The following HSF2 variants were observed in gnomAD, a reference collection of about 807,000 sequenced individuals.
HSF2 encodes heat shock factor protein 2.
A neutral mutation model predicts 65.0 loss-of-function variants in HSF2; 21 were observed. The ratio of observed to expected loss-of-function variants is 0.32; its 90% CI spans 0.23 to 0.47. HSF2 has a LOEUF of 0.47. HSF2 is among the 20% of genes least tolerant of loss of function. The pLI, the probability that HSF2 is intolerant of heterozygous loss-of-function variation, is 1.00. For synonymous variants in HSF2, 225 were observed against 219.1 expected (o/e 1.03, Z -0.24); for missense variants, 499 against 628.1 (o/e 0.79, Z 2.20).
chr6:122,413,482 G>A, intron 3 of HSF2, 43 bp from the exon 4 acceptor site: 2 of 1,427,674 alleles, frequency 1.4e-6, no homozygotes, highest in South Asian at 2.4e-5. Context: ...ACAATCATGG[G>A]TGTTTACTGT....
chr6:122,426,387 A>T (rs1774339471), intron 10 of HSF2, among the ~76,000 whole-genome samples: 1 of 152,036 alleles, frequency 6.6e-6, no homozygotes, highest in African/African-American at 2.4e-5. Flanking sequence ...GTCTCCTAGG[A>T]ATACATGTAG....
chr6:122,403,806 C>T (rs575003545), intron 1 of HSF2, among the ~76,000 whole-genome samples: 19 of 152,124 alleles, frequency 1.2e-4, no homozygotes, highest in African/African-American at 4.3e-4. Flanking sequence ...TGTCAGACGA[C>T]CTAAAACTGT....
intron 1 of HSF2, among the ~76,000 whole-genome samples, chr6:122,402,695 G>A (rs556707013): frequency 1.6e-3 from 241 of 152,100 alleles, no homozygotes; most frequent in African/African-American, 4.9e-3. Flanking sequence ...TGTGATTACA[G>A]ATGCGCACCA....
At chr6:122,401,309 C>T (rs904286015) in intron 1 of HSF2, among the ~76,000 whole-genome samples, 8 of 152,150 alleles carry the variant, frequency 5.3e-5, no homozygotes, top group African/African-American at 1.7e-4. Context: ...TAAAAGTTGA[C>T]AAGAAGGATC....
rs573660821 is a variant in HSF2 at position 122,406,979 on chromosome 6, C to T, written c.94-5394C>T. On this transcript the variant is annotated intron_variant, in intron 1 of 12. Coordinates refer to ENST00000368455, the MANE Select transcript of HSF2 (RefSeq NM_004506.4). ...TAGGTGGTTGAGTATAAGACTTTGG[C>T]ATTCAGGGTGGAGTTTAGACCTTGT... Among the ~76,000 whole-genome samples the T allele has an allele frequency of 2.6e-5, 4 of 152,186 alleles. No homozygotes were observed. In the East Asian group the frequency reaches 5.8e-4, roughly 22 times the overall value.
chr6:122,422,954 G>T lies in HSF2; in HGVS notation c.1067G>T (p.Gly356Val). 1.2e-6 allele frequency: 2 copies of T among 1,613,362 alleles called. No individual in the cohort carries two copies. The highest frequency in any genetic ancestry group is 1.7e-6 in the Non-Finnish European group (2 of 1,179,510). The stretch of plus-strand genomic sequence containing the variant: ...TTGAATGATAACATCAATCTTTTGG[G>T]AAAGTGAGTGCTTATCTAGATGTTG... ...SILNDNINLL[G>V]KVELLDYLDS... The change falls in exon 9 of 13, where the codon GGA becomes GTA. Residue 356 changes from glycine to valine, a missense_variant. Physicochemically the swap from Gly to Val is moderately radical, Grantham distance 109 (BLOSUM62 -3). Around this residue, in one of 2 missense-constraint regions of HSF2, gnomAD observed 349 missense variants for 393.5 expected, o/e 0.89. Transcript: ENST00000368455.
intron 1 of HSF2, among the ~76,000 whole-genome samples, chr6:122,412,066 A>G (rs1370960855): frequency 6.6e-6 from 1 of 151,842 alleles, no homozygotes; most frequent in Non-Finnish European, 1.5e-5. Context: ...TGCTGTCTAC[A>G]TAATTGTATT....
Position 122,428,383 on chromosome 6 carries a change from T to C in HSF2, c.1230+427T>C, listed in dbSNP as rs372814452. Among the ~76,000 whole-genome samples, 7 of 151,994 alleles carry C rather than the reference T, an allele frequency of 4.6e-5. No homozygotes were observed. The South Asian group carries it at 8.3e-4, about 18-fold the overall frequency. ...TAAAGTAAAAATTCAGGAATTCTTA[T>C]TTATTGCAGAAAAGGGAAGTTGAAA... On this transcript the variant is annotated intron_variant, in intron 11 of 12. Transcript: ENST00000368455.
intron 7 of HSF2, among the ~76,000 whole-genome samples, chr6:122,420,932 G>A (rs1211919227): frequency 4.6e-5 from 7 of 150,988 alleles, no homozygotes; most frequent in South Asian, 4.2e-4. Context: ...TGCTGGTCTC[G>A]AACTCCCAGA....
intron 10 of HSF2, among the ~76,000 whole-genome samples, chr6:122,425,060 C>T (rs1774310443): frequency 6.6e-6 from 1 of 151,944 alleles, no homozygotes; most frequent in Non-Finnish European, 1.5e-5. Flanking sequence ...GTACCCCTAT[C>T]CTTTGCCTCT....
chr6:122,402,702 A>G (rs887701508), intron 1 of HSF2, among the ~76,000 whole-genome samples: 17 of 151,952 alleles, frequency 1.1e-4, no homozygotes, highest in Non-Finnish European at 1.5e-5. Flanking sequence ...ACAGATGCGC[A>G]CCACCATGCC....
At chr6:122,427,830 G>A (rs1774370957) in intron 10 of HSF2, 73 bp from the exon 11 acceptor site, 3 of 1,049,896 alleles carry the variant, frequency 2.9e-6, no homozygotes, top group Admixed American at 2.0e-5. Context: ...CAACATGGCT[G>A]TATAAAATTT....
chr6:122,408,798 G>A (rs1773922308), intron 1 of HSF2, among the ~76,000 whole-genome samples: 1 of 149,130 alleles, frequency 6.7e-6, no homozygotes, highest in Non-Finnish European at 1.5e-5. Context: ...TAAAGGGAAT[G>A]TTTTAATGTT....
chr6:122,413,690 G>A, intron 4 of HSF2, 41 bp downstream of exon 4: 1 of 1,526,144 alleles, frequency 6.6e-7, no homozygotes, highest in Admixed American at 1.7e-5. Flanking sequence ...TCTGGGAATT[G>A]GGTATGTGTC....
At chr6:122,400,118 C>T (rs1562195385) in intron 1 of HSF2, among the ~76,000 whole-genome samples, 2 of 152,176 alleles carry the variant, frequency 1.3e-5, no homozygotes, top group Non-Finnish European at 2.9e-5. Context: ...CGTTCGGAAC[C>T]GGCCCGGCGT....
intron 1 of HSF2, among the ~76,000 whole-genome samples, chr6:122,401,451 G>A (rs973914117): frequency 1.3e-5 from 2 of 152,148 alleles, no homozygotes; most frequent in African/African-American, 2.4e-5. Context: ...ATTGGCAGTT[G>A]CTTTTAATCA....
intron 5 of HSF2, among the ~76,000 whole-genome samples, chr6:122,416,643 T>C (rs1010055861): frequency 5.9e-5 from 9 of 152,084 alleles, no homozygotes; most frequent in Admixed American, 2.6e-4. Flanking sequence ...GCCTTACTGG[T>C]TTTTTTTGTT....
At chr6:122,405,099 A>G (rs1773838444) in intron 1 of HSF2, among the ~76,000 whole-genome samples, 1 of 152,088 alleles carries the variant, frequency 6.6e-6, no homozygotes, top group Admixed American at 6.6e-5. Flanking sequence ...TATGGAGCTT[A>G]CATTGAGTGG....
rs754784889 is a variant in HSF2, at chr6:122,431,510, A to G, written c.1311A>G (p.Lys437=). The G allele has an allele frequency of 1.3e-6, 2 of 1,552,876 alleles. No individual in the cohort carries two copies. Among genetic ancestry groups the G allele is most frequent in the South Asian group, 2.3e-5 (2 of 87,960 alleles). The part of the protein sequence containing the change: ...VSEEGRKSKS[K]PDKQLIQYTA... The stretch of plus-strand genomic sequence containing the variant: ...AAGAGGGAAGAAAATCTAAATCCAA[A>G]CCAGGTAGGTATAAATATAGTATTC... The change falls in exon 12 of 13, where the codon AAA becomes AAG. Residue 437 remains lysine (K), a synonymous_variant. Coordinates refer to ENST00000368455, the MANE Select transcript of HSF2 (RefSeq NM_004506.4).
Sources: gnomAD v4.1 joint callset for allele counts (sites outside exome capture counted in the v4.1 genomes callset) on GRCh38, gnomAD v4.1.1 for gene constraint, gnomAD v4.1.1 regional missense constraint, MANE v1.5 for transcripts, NCBI Gene and HGNC (gene_info 2026-07-23, HGNC 2026-07-21) for gene names.